The following PACSIN2 variants were observed in gnomAD, a reference collection of about 807,000 sequenced individuals.
The protein encoded by PACSIN2 is protein kinase C and casein kinase substrate in neurons protein 2.
PACSIN2 carries 25 observed loss-of-function variants against 63.8 expected under a neutral mutation model. The observed-to-expected ratio is 0.39, with a 90% CI of 0.29 to 0.55. The LOEUF (loss-of-function observed/expected upper bound fraction) is 0.55. PACSIN2 is among the 20% of genes least tolerant of loss of function. The pLI is 0.62. For missense variants in PACSIN2, 518 were observed against 646.9 expected (o/e 0.80, Z 2.16); for synonymous variants, 255 against 256.2 (o/e 1.00, Z 0.05).
At chr22:42,903,704 T>C (rs1076118) in intron 2 of PACSIN2, among the ~76,000 whole-genome samples, 99,369 of 152,054 alleles carry the variant, frequency 0.65, 34,287 homozygotes, top group African/African-American at 0.87. Flanking sequence ...AATGAGGTGA[T>C]GCTATTTACC....
chr22:42,960,094 TGA>T (rs1934076661), intron 1 of PACSIN2, among the ~76,000 whole-genome samples: 1 of 152,160 alleles, frequency 6.6e-6, no homozygotes, highest in Non-Finnish European at 1.5e-5. Context: ...AGAAGAGGTC[TGA>T]GAACAAAATT....
intron 1 of PACSIN2, among the ~76,000 whole-genome samples, chr22:42,987,228 CCATTT>C (rs1922677837): frequency 6.6e-6 from 1 of 152,114 alleles, no homozygotes; most frequent in Non-Finnish European, 1.5e-5. Flanking sequence ...CTCTGAGCCT[CCATTT>C]CATTTATGTG....
rs748047241 is a variant in PACSIN2, at chr22:42,876,204, C to T, written c.1281G>A (p.Thr427=). The T allele has an allele frequency of 1.2e-5, 20 of 1,614,124 alleles. No homozygotes were observed. The highest frequency in any genetic ancestry group is 5.3e-5 in the African/African-American group (4 of 74,952). ...CATACAGGGCCCGGACTCGCACTTC[C>T]GTCCCCGAGGTGGCGTCGTCGTCGA... The part of the protein sequence containing the change: ...NPFDDDATSG[T]EVRVRALYDY... The change falls in exon 10 of 11, where the codon ACG becomes ACA. Residue 427 remains threonine, a synonymous_variant. Coordinates refer to ENST00000263246, the MANE Select transcript of PACSIN2 (RefSeq NM_001184970.3).
At chr22:42,878,631 C>T (rs114985150) in intron 8 of PACSIN2, among the ~76,000 whole-genome samples, 1 of 152,220 alleles carries the variant, frequency 6.6e-6, no homozygotes, top group Non-Finnish European at 1.5e-5. Flanking sequence ...CGCCTGCACA[C>T]AATACAGAGT....
At chr22:42,936,411 C>T (rs1451606997) in intron 1 of PACSIN2, among the ~76,000 whole-genome samples, 1 of 152,150 alleles carries the variant, frequency 6.6e-6, no homozygotes, top group East Asian at 1.9e-4. Context: ...CCGGACTTAG[C>T]ACAAGACTCC....
At chr22:42,967,967 G>A (rs1569335092) in intron 1 of PACSIN2, among the ~76,000 whole-genome samples, 1 of 152,246 alleles carries the variant, frequency 6.6e-6, no homozygotes, top group South Asian at 2.1e-4. Context: ...TTTTATACAC[G>A]CTCCTCAGAT....
At chr22:42,931,161 A>G (rs539834239) in intron 1 of PACSIN2, among the ~76,000 whole-genome samples, 1 of 152,244 alleles carries the variant, frequency 6.6e-6, no homozygotes, top group Non-Finnish European at 1.5e-5. Flanking sequence ...CCTTGTTCAC[A>G]GTTGTATCCC....
At chr22:42,901,070 C>G (rs985463499) in intron 2 of PACSIN2, among the ~76,000 whole-genome samples, 2 of 152,196 alleles carry the variant, frequency 1.3e-5, no homozygotes, top group African/African-American at 4.8e-5. Flanking sequence ...ACTTCTAGGA[C>G]CGGTTGCCAA....
Position 43,013,083 on chromosome 22 carries a change from C to T in PACSIN2, c.-78+1938G>A, listed in dbSNP as rs116318580. ...CTGGGATCCCAGGCGTGAGCCACCC[C>T]GCCCAGCCTAGATTATTTAAATATC... On this transcript the variant is annotated intron_variant, in intron 1 of 10. Coordinates refer to ENST00000263246, the MANE Select transcript of PACSIN2 (RefSeq NM_001184970.3). Among the ~76,000 whole-genome samples the T allele has an allele frequency of 5.2e-3, 790 of 152,336 alleles. 3 individuals are homozygous for T. The highest frequency in any genetic ancestry group is 0.018 in the African/African-American group (752 of 41,572).
At chr22:43,009,383 A>G (rs1252306897) in intron 1 of PACSIN2, among the ~76,000 whole-genome samples, 1 of 152,258 alleles carries the variant, frequency 6.6e-6, no homozygotes, top group Non-Finnish European at 1.5e-5. Flanking sequence ...CATCATTATT[A>G]TTAGCTCAAA....
At chr22:43,010,398 A>ATATATATATATATATAT in intron 1 of PACSIN2, among the ~76,000 whole-genome samples, 3 of 126,406 alleles carry the variant, frequency 2.4e-5, no homozygotes, top group Non-Finnish European at 3.4e-5. Context: ...ATATATATAT[A>ATATATATATATATATAT]TTTTTTTTTA....
chr22:42,885,663 G>A (rs1929421636), intron 5 of PACSIN2, among the ~76,000 whole-genome samples: 2 of 152,236 alleles, frequency 1.3e-5, no homozygotes, highest in South Asian at 2.1e-4. Context: ...TCTGCTTCAG[G>A]CTCCAAAGCA....
At chr22:42,969,208 T>A (rs1290314878) in intron 1 of PACSIN2, among the ~76,000 whole-genome samples, 1 of 152,224 alleles carries the variant, frequency 6.6e-6, no homozygotes, top group Non-Finnish European at 1.5e-5. Flanking sequence ...AATATGGAGA[T>A]AATTATAAAT....
intron 1 of PACSIN2, among the ~76,000 whole-genome samples, chr22:42,940,585 G>C (rs1933110804): frequency 6.6e-6 from 1 of 152,228 alleles, no homozygotes; most frequent in Non-Finnish European, 1.5e-5. Flanking sequence ...ACAGGGCACA[G>C]AGCCCTCACT....
chr22:43,014,825 C>T (rs1924776778), intron 1 of PACSIN2, among the ~76,000 whole-genome samples, 196 bp downstream of exon 1: 1 of 150,760 alleles, frequency 6.6e-6, no homozygotes, highest in Admixed American at 6.6e-5. Flanking sequence ...TCTCCAGGCG[C>T]CCCCCGGGGC....
chr22:42,979,750 C>T lies in PACSIN2; in HGVS notation c.-78+35271G>A, dbSNP rs991244460. On this transcript the variant is annotated intron_variant, in intron 1 of 10. Transcript: ENST00000263246. ...GTTATTTAAACACAGACATTGCCTC[C>T]TCTAGGCTGGGAGATTCCTGAGGAC... 1.2e-4 allele frequency among the ~76,000 whole-genome samples: 19 copies of T among 152,220 alleles called. 1 individual carries two copies. Among genetic ancestry groups the T allele is most frequent in the Admixed American group, 7.9e-4 (12 of 15,286 alleles).
intron 10 of PACSIN2, among the ~76,000 whole-genome samples, chr22:42,874,830 G>A (rs558686159): frequency 4.6e-5 from 7 of 151,312 alleles, no homozygotes; most frequent in African/African-American, 1.7e-4. Context: ...CACTATTTCT[G>A]AGTCTTGGCA....
intron 1 of PACSIN2, among the ~76,000 whole-genome samples, chr22:42,959,167 G>C (rs551304311): frequency 1.3e-5 from 2 of 152,290 alleles, no homozygotes; most frequent in South Asian, 4.1e-4. Context: ...AGCGGTGGCA[G>C]GTGATCAGAG....
intron 1 of PACSIN2, among the ~76,000 whole-genome samples, chr22:42,924,162 G>C (rs1932383074): frequency 6.6e-6 from 1 of 152,170 alleles, no homozygotes; most frequent in Non-Finnish European, 1.5e-5. Context: ...GAGCGGGGGA[G>C]GTCCATGAGC....
Sources: allele counts gnomAD v4.1 joint callset (sites outside exome capture counted in the v4.1 genomes callset), GRCh38; gene constraint gnomAD v4.1.1; transcripts MANE v1.5; gene names NCBI Gene and HGNC (gene_info 2026-07-23, HGNC 2026-07-21).